FDFT1: variants seen among roughly 807,000 people sequenced by gnomAD.
The protein encoded by FDFT1 is farnesyl-diphosphate farnesyltransferase 1.
FDFT1 carries 68 observed loss-of-function variants against 46.8 expected under a neutral mutation model. The ratio of observed to expected loss-of-function variants is 1.45; its 90% CI spans 1.19 to 1.78. FDFT1 has a LOEUF of 1.78. Among genes scored for constraint, FDFT1 ranks in the 40% most tolerant of loss-of-function variants. The pLI is 0.00. For synonymous variants in FDFT1, 351 were observed against 185.1 expected (o/e 1.90, Z -7.28); for missense variants, 928 against 524.4 (o/e 1.77, Z -7.52).
intron 1 of FDFT1, 59 bp from the exon 2 acceptor site, chr8:11,808,728 TCCCACTC>T (rs2130716910): frequency 6.4e-7 from 1 of 1,570,914 alleles, no homozygotes; most frequent in Non-Finnish European, 8.6e-7. Context: ...CCACTCCCAC[TCCCACTC>T]CCACTCCCAC....
intron 7 of FDFT1, among the ~76,000 whole-genome samples, chr8:11,837,133 G>A (rs1222603258): frequency 2.0e-5 from 3 of 152,270 alleles, no homozygotes; most frequent in Non-Finnish European, 4.4e-5. Context: ...TTGAAGGGAC[G>A]TGGGAGGCGC....
intron 2 of FDFT1, chr8:11,809,313 G>A: frequency 9.2e-7 from 1 of 1,092,204 alleles, no homozygotes; most frequent in Non-Finnish European, 1.1e-6. Flanking sequence ...TATTTATACT[G>A]AGAAGTTACT....
At chr8:11,832,037 C>G (rs1810874039) in intron 7 of FDFT1, among the ~76,000 whole-genome samples, 2 of 152,170 alleles carry the variant, frequency 1.3e-5, no homozygotes, top group Non-Finnish European at 2.9e-5. Context: ...TTGAGTGGAT[C>G]TCTGGCTCCC....
chr8:11,810,209 T>G (rs1585886135), intron 3 of FDFT1, among the ~76,000 whole-genome samples: 1 of 152,342 alleles, frequency 6.6e-6, no homozygotes, highest in South Asian at 2.1e-4. Context: ...GTATTGGAAG[T>G]CCAGTGTTTC....
Position 11,804,600 on chromosome 8 carries a change from CTTTTTTT to C in FDFT1, c.99+1684_99+1690del, listed in dbSNP as rs5889385. 1.2e-3 allele frequency among the ~76,000 whole-genome samples: 117 copies of C among 97,354 alleles called. 1 individual carries two copies. Among genetic ancestry groups the C allele is most frequent in the African/African-American group, 4.3e-3 (108 of 25,350 alleles). The allele number at this position is 97,354 out of a possible 152,430, so 63.9% of individuals were successfully genotyped here. A position where few individuals can be genotyped will look rare whatever the true frequency, so the allele number is the denominator to read the frequency against. On this transcript the variant is annotated intron_variant, in intron 1 of 7. Transcript: ENST00000220584. ...TTCACTTAACATTATCTTAGTTTCTCTTTTTTTTTTTTTTTTTTTTTGAGATGGAGTC... is the reference window on the plus strand; with the variant it reads ...TTCACTTAACATTATCTTAGTTTCTCTTTTTTTTTTTTTTGAGATGGAGTC...
intron 2 of FDFT1, chr8:11,809,162 C>G (rs931767400): frequency 1.6e-5 from 20 of 1,289,002 alleles, no homozygotes; most frequent in Non-Finnish European, 1.9e-5. Context: ...CTGAACCTGC[C>G]TGTGAGCAGG....
At chr8:11,838,364 C>A (rs771646816) in intron 7 of FDFT1, 24 bp from the exon 8 acceptor site, 13 of 1,583,532 alleles carry the variant, frequency 8.2e-6, no homozygotes, top group South Asian at 1.1e-5. Context: ...TAGCACTTAT[C>A]ATTTTTTCCT....
At chr8:11,815,218 T>TGTAGTATTC (rs1808287282) in intron 3 of FDFT1, among the ~76,000 whole-genome samples, 1 of 152,178 alleles carries the variant, frequency 6.6e-6, no homozygotes, top group African/African-American at 2.4e-5. Flanking sequence ...TTTATGGCTG[T>TGTAGTATTC]GTAGTATTCC....
At chr8:11,831,457 G>A in intron 6 of FDFT1, 61 bp from the exon 7 acceptor site, 1 of 1,487,462 alleles carries the variant, frequency 6.7e-7, no homozygotes, top group South Asian at 1.2e-5. Flanking sequence ...TTACCTTTTT[G>A]TGATAATGAT....
At chr8:11,807,379 C>T (rs902375408) in intron 1 of FDFT1, among the ~76,000 whole-genome samples, 1 of 152,104 alleles carries the variant, frequency 6.6e-6, no homozygotes, top group South Asian at 2.1e-4. Context: ...CCCAGGCTGC[C>T]CTCAAATTCC....
intron 3 of FDFT1, among the ~76,000 whole-genome samples, chr8:11,815,509 C>A (rs1273153386): frequency 5.3e-5 from 8 of 152,200 alleles, no homozygotes; most frequent in Admixed American, 3.3e-4. Flanking sequence ...AGTCCTGTTT[C>A]TCCACATCCT....
At chr8:11,822,701 C>G (rs909995531) in intron 4 of FDFT1, among the ~76,000 whole-genome samples, 2 of 152,118 alleles carry the variant, frequency 1.3e-5, no homozygotes, top group African/African-American at 2.4e-5. Context: ...GTGGTCCCAG[C>G]TACTCTGGAG....
chr8:11,801,184 G>C (rs926183321), upstream of FDFT1, among the ~76,000 whole-genome samples: 8 of 152,192 alleles, frequency 5.3e-5, no homozygotes, highest in African/African-American at 1.9e-4. Flanking sequence ...TAGGGCCAGA[G>C]AAAGCAAAAG....
At chr8:11,795,788 A>G (rs1285535478) in exon 1 of FDFT1, 1 of 152,186 alleles carries the variant, frequency 6.6e-6, no homozygotes, top group Non-Finnish European at 1.5e-5. Context: ...GAGCTGTAAT[A>G]CTCGCTGTGA....
At chr8:11,833,597 A>G (rs1449327629) in intron 7 of FDFT1, among the ~76,000 whole-genome samples, 1 of 152,194 alleles carries the variant, frequency 6.6e-6, no homozygotes, top group Non-Finnish European at 1.5e-5. Flanking sequence ...TCCTGGTTGT[A>G]ATTCATAGTT....
chr8:11,797,127 A>T (rs1805632734), intron 1 of FDFT1, among the ~76,000 whole-genome samples: 1 of 152,172 alleles, frequency 6.6e-6, no homozygotes. Context: ...GACATGGCAA[A>T]CTGGTGGGCG....
At chr8:11,806,326 C>G (rs1806827766) in intron 1 of FDFT1, among the ~76,000 whole-genome samples, 1 of 152,182 alleles carries the variant, frequency 6.6e-6, no homozygotes, top group Non-Finnish European at 1.5e-5. Flanking sequence ...TCATGGGAAT[C>G]AAGCAGTAGA....
At position 11,830,410 on chromosome 8, in the gene FDFT1, C is replaced by G. The variant is rs1291406206; in HGVS notation, c.869C>G (p.Ala290Gly). 2 of 1,612,810 alleles carry G rather than the reference C, an allele frequency of 1.2e-6. No homozygotes were observed. The highest frequency in any genetic ancestry group is 8.5e-7 in the Non-Finnish European group (1 of 1,179,134). Residue 290 changes from alanine (A) to glycine (G), a missense_variant, in exon 6 of 8, where the codon GCT becomes GGT. By Grantham distance (60) the Ala-to-Gly change is moderately conservative. Transcript: ENST00000220584. The part of the protein sequence containing the change: ...LRNQSVFNFC[A>G]IPQVMAIATL... ...AACCAGAGTGTGTTTAACTTCTGTG[C>G]TATTCCACAGGTAGGGAAGGGGGCT... is the stretch of plus-strand genomic sequence containing the variant.
exon 1 of FDFT1, chr8:11,795,633 A>G (rs1021892849): frequency 5.9e-5 from 9 of 151,556 alleles, no homozygotes; most frequent in Admixed American, 2.6e-4. Flanking sequence ...GTTGTTTGCA[A>G]TAAATTTTAA....
Sources: gnomAD v4.1 joint callset for allele counts (sites outside exome capture counted in the v4.1 genomes callset) on GRCh38, gnomAD v4.1.1 for gene constraint, MANE v1.5 for transcripts, NCBI Gene and HGNC (gene_info 2026-07-23, HGNC 2026-07-21) for gene names.